Variants in SPATA9 observed in about 807,000 individuals in gnomAD.
SPATA9 encodes the protein spermatogenesis associated 9.
In SPATA9, 27 loss-of-function variants were observed where a neutral mutation model predicts 25.5. The observed-to-expected ratio is 1.06, with a 90% CI of 0.78 to 1.46. The LOEUF (loss-of-function observed/expected upper bound fraction) is 1.46. Among genes scored for constraint, SPATA9 ranks in the 40% most tolerant of loss-of-function variants. The pLI, the probability that SPATA9 is intolerant of heterozygous loss-of-function variation, is 0.00. For synonymous variants in SPATA9, 102 were observed against 105.7 expected (o/e 0.97, Z 0.21); for missense variants, 282 against 297.5 (o/e 0.95, Z 0.38).
At chr5:95,689,336 G>A (rs1753827187) in intron 1 of SPATA9, among the ~76,000 whole-genome samples, 2 of 152,286 alleles carry the variant, frequency 1.3e-5, no homozygotes, top group South Asian at 4.1e-4. Context: ...AGGTTTATGA[G>A]GGTAGTATTG....
upstream of SPATA9, among the ~76,000 whole-genome samples, chr5:95,703,221 T>C (rs1164675828): frequency 6.6e-6 from 1 of 152,216 alleles, no homozygotes; most frequent in African/African-American, 2.4e-5. Flanking sequence ...ATACAGATGA[T>C]CACAAAGTAT....
intron 1 of SPATA9, among the ~76,000 whole-genome samples, chr5:95,689,220 T>A (rs1417534054): frequency 6.6e-6 from 1 of 152,170 alleles, no homozygotes; most frequent in Non-Finnish European, 1.5e-5. Flanking sequence ...TGTTTCCTGG[T>A]AAATAATACC....
chr5:95,710,594 C>T, the SPATA9 span, among the ~76,000 whole-genome samples: 6 of 152,176 alleles, frequency 3.9e-5, no homozygotes, highest in South Asian at 2.1e-4. Flanking sequence ...GTAAGCACCC[C>T]TTTAGCAACT....
At chr5:95,660,795 AC>A (rs2112551905) in intron 4 of SPATA9, among the ~76,000 whole-genome samples, 2 of 152,240 alleles carry the variant, frequency 1.3e-5, no homozygotes, top group Admixed American at 1.3e-4. Context: ...TTTGTTTTTA[AC>A]CTACATCCTA....
downstream of SPATA9, chr5:95,656,251 AGT>A (rs1346495241): frequency 6.2e-7 from 1 of 1,613,502 alleles, no homozygotes; most frequent in East Asian, 2.2e-5. Flanking sequence ...GAACCTTTTA[AGT>A]GTGACTCTGA....
At chr5:95,713,321 C>T in the SPATA9 span, among the ~76,000 whole-genome samples, 3 of 151,746 alleles carry the variant, frequency 2.0e-5, no homozygotes, top group Non-Finnish European at 2.9e-5. Context: ...AATCTCATGT[C>T]GAATTGTAAT....
At chr5:95,662,352 C>G (rs865961710) in intron 4 of SPATA9, among the ~76,000 whole-genome samples, 1 of 152,132 alleles carries the variant, frequency 6.6e-6, no homozygotes. Flanking sequence ...TCAAGATTCT[C>G]TTTGACACAG....
chr5:95,652,533 C>T, downstream of SPATA9: 1 of 611,050 alleles, frequency 1.6e-6, no homozygotes, highest in South Asian at 4.6e-5. Context: ...TGGCCTTTCT[C>T]CTCACAGTCT....
chr5:95,725,808 CTTT>C, the SPATA9 span, among the ~76,000 whole-genome samples: 2 of 139,790 alleles, frequency 1.4e-5, no homozygotes, highest in Admixed American at 7.1e-5. Flanking sequence ...TGGAATTCTT[CTTT>C]TTTTTTTTTT....
downstream of SPATA9, chr5:95,657,005 G>A (rs1383383561): frequency 1.3e-5 from 2 of 152,148 alleles, no homozygotes; most frequent in African/African-American, 4.8e-5. Context: ...AGTGATCTGT[G>A]ATCAAGGCAG....
chr5:95,682,236 G>A (rs1431717239), intron 2 of SPATA9, among the ~76,000 whole-genome samples: 7 of 152,038 alleles, frequency 4.6e-5, no homozygotes. Flanking sequence ...GTATTTTTCT[G>A]ATTTTACATT....
chr5:95,668,579 C>T (rs536405740), intron 3 of SPATA9, among the ~76,000 whole-genome samples: 1 of 152,232 alleles, frequency 6.6e-6, no homozygotes, highest in South Asian at 2.1e-4. Context: ...AAATTTTTAT[C>T]TCAACCTTGT....
intron 1 of SPATA9, among the ~76,000 whole-genome samples, chr5:95,689,930 C>T (rs761637243): frequency 1.2e-4 from 19 of 152,112 alleles, no homozygotes; most frequent in Non-Finnish European, 2.1e-4. Context: ...CAAAATAATG[C>T]AGGAACAGTA....
intron 1 of SPATA9, among the ~76,000 whole-genome samples, chr5:95,698,305 T>TAGA (rs1754088590): frequency 6.6e-6 from 1 of 152,118 alleles, no homozygotes; most frequent in Non-Finnish European, 1.5e-5. Context: ...TGTTATGGTC[T>TAGA]AGACTAAAGA....
the SPATA9 span, among the ~76,000 whole-genome samples, chr5:95,717,933 C>T: frequency 3.5e-4 from 53 of 152,118 alleles, 1 homozygote; most frequent in Admixed American, 1.8e-3. Context: ...TGTTTTATGC[C>T]TTTTGTATAT....
the SPATA9 span, chr5:95,731,026 C>G: frequency 2.2e-6 from 2 of 905,822 alleles, no homozygotes; most frequent in South Asian, 1.6e-5. Flanking sequence ...ATCGCCCCAC[C>G]CCCCTTTCCT....
At chr5:95,731,152 G>A in the SPATA9 span, 3 of 1,017,680 alleles carry the variant, frequency 2.9e-6, no homozygotes, top group South Asian at 3.4e-5. Flanking sequence ...GCCCCGCGCG[G>A]GCGGCTCCTT....
intron 3 of SPATA9, among the ~76,000 whole-genome samples, chr5:95,674,152 C>A (rs1202918445): frequency 1.3e-5 from 2 of 152,250 alleles, no homozygotes; most frequent in East Asian, 1.9e-4. Flanking sequence ...ATAAAAGAGC[C>A]TTTTATGAAT....
intron 3 of SPATA9, among the ~76,000 whole-genome samples, chr5:95,671,413 T>G (rs1752356452): frequency 1.3e-5 from 2 of 151,170 alleles, no homozygotes; most frequent in African/African-American, 4.9e-5. Flanking sequence ...TTTCAATAAC[T>G]TTTTTTTTGT....
Sources: allele counts gnomAD v4.1 joint callset (sites outside exome capture counted in the v4.1 genomes callset), GRCh38; gene constraint gnomAD v4.1.1; transcripts MANE v1.5; gene names NCBI Gene and HGNC (gene_info 2026-07-23, HGNC 2026-07-21).